CHRM2: variants seen among roughly 807,000 people sequenced by gnomAD.
CHRM2 encodes the protein muscarinic acetylcholine receptor M2.
Under a neutral mutation model 25.0 loss-of-function variants are expected in CHRM2, and 8 were observed. The observed-to-expected ratio is 0.32, with a 90% confidence interval of 0.19 to 0.58. CHRM2 has a LOEUF of 0.58. Among genes scored for constraint, CHRM2 ranks in the 20% least tolerant of loss-of-function variants. CHRM2 has a pLI of 0.88. For synonymous variants in CHRM2, 202 were observed against 205.7 expected, an observed-to-expected ratio of 0.98 and a Z score of 0.15; for missense variants, 440 against 567.1, an observed-to-expected ratio of 0.78 and a Z score of 2.28.
intron 3 of CHRM2, among the ~76,000 whole-genome samples, chr7:136,996,696 A>T (rs1803628208): frequency 1.3e-5 from 2 of 152,202 alleles, no homozygotes; most frequent in African/African-American, 4.8e-5. Flanking sequence ...TATTTAATGA[A>T]ATTATAGTAT....
intron 2 of CHRM2, among the ~76,000 whole-genome samples, chr7:136,946,467 G>A (rs1800081028): frequency 6.6e-6 from 1 of 152,070 alleles, no homozygotes; most frequent in Non-Finnish European, 1.5e-5. Context: ...CTATATTTCA[G>A]AAAAGTGTAA....
intron 2 of CHRM2, among the ~76,000 whole-genome samples, chr7:136,928,812 G>A (rs1798891899): frequency 6.6e-6 from 1 of 152,074 alleles, no homozygotes; most frequent in African/African-American, 2.4e-5. Flanking sequence ...GTGTTAGGTT[G>A]GTGCAAAACT....
Position 136,880,966 on chromosome 7 carries a change from T to C in CHRM2, c.-125+11548T>C, listed in dbSNP as rs536813579. On this transcript the variant is annotated intron_variant, in intron 2 of 3. Coordinates refer to ENST00000680005, the MANE Select transcript of CHRM2 (RefSeq NM_001006630.2). ...TACTTAGTTTCATGAGGTATATTAT[T>C]CTTCATCTTTGTTCATTTAACTTTT... 4.0e-5 allele frequency among the ~76,000 whole-genome samples: 6 copies of C among 151,742 alleles called. No individual in the cohort carries two copies. The East Asian group carries it at 1.2e-3, about 29-fold the overall frequency.
chr7:136,956,799 C>G (rs1430815982), intron 2 of CHRM2, among the ~76,000 whole-genome samples: 1 of 149,288 alleles, frequency 6.7e-6, no homozygotes, highest in East Asian at 1.9e-4. Context: ...AGACAGGGAA[C>G]AGGGAGGGGG....
At chr7:136,958,884 A>C (rs899647839) in intron 2 of CHRM2, among the ~76,000 whole-genome samples, 14 of 152,230 alleles carry the variant, frequency 9.2e-5, no homozygotes, top group African/African-American at 3.1e-4. Context: ...CCACAATACA[A>C]GTGATTACCT....
At chr7:136,995,269 A>C (rs1803517382) in intron 3 of CHRM2, among the ~76,000 whole-genome samples, 2 of 152,160 alleles carry the variant, frequency 1.3e-5, no homozygotes, top group Non-Finnish European at 2.9e-5. Context: ...AAAATAAGGA[A>C]GGTCGACCTT....
At chr7:136,986,248 GTTTA>G (rs1802845030) in intron 2 of CHRM2, among the ~76,000 whole-genome samples, 1 of 152,052 alleles carries the variant, frequency 6.6e-6, no homozygotes, top group Admixed American at 6.6e-5. Context: ...TATTTTGGCA[GTTTA>G]TTTTTTTTAA....
At chr7:137,005,957 TAGAC>T (rs891043455) in intron 3 of CHRM2, among the ~76,000 whole-genome samples, 1 of 152,144 alleles carries the variant, frequency 6.6e-6, no homozygotes, top group African/African-American at 2.4e-5. Flanking sequence ...TGCCTAATCA[TAGAC>T]AGTCTGTAGC....
chr7:136,921,264 T>G (rs572438021), intron 2 of CHRM2, among the ~76,000 whole-genome samples: 2 of 152,236 alleles, frequency 1.3e-5, no homozygotes, highest in South Asian at 4.2e-4. Flanking sequence ...AGTCTTCCCA[T>G]CATCCTGGGT....
At chr7:137,005,393 T>A (rs1804356636) in intron 3 of CHRM2, among the ~76,000 whole-genome samples, 1 of 152,160 alleles carries the variant, frequency 6.6e-6, no homozygotes, top group South Asian at 2.1e-4. Context: ...TTAACTATTA[T>A]AAGATATGCT....
intron 2 of CHRM2, among the ~76,000 whole-genome samples, chr7:136,918,934 T>A (rs1223146300): frequency 6.6e-6 from 1 of 152,116 alleles, no homozygotes; most frequent in Non-Finnish European, 1.5e-5. Flanking sequence ...CTTAACAAAG[T>A]GGAAATCTGA....
chr7:136,902,374 AT>A (rs1797274066), intron 2 of CHRM2: 1 of 152,020 alleles, frequency 6.6e-6, no homozygotes, highest in Non-Finnish European at 1.5e-5. Flanking sequence ...TAGGTGGCAA[AT>A]TCATAATAAG....
chr7:136,872,190 C>T (rs142533557), intron 2 of CHRM2, among the ~76,000 whole-genome samples: 1 of 152,188 alleles, frequency 6.6e-6, no homozygotes, highest in South Asian at 2.1e-4. Flanking sequence ...AATAAAGAGG[C>T]ATGTTTGTTT....
chr7:136,938,292 G>A lies in CHRM2; in HGVS notation c.-124-53895G>A, dbSNP rs147807782. The A allele has an allele frequency of 8.4e-4, 910 of 1,079,602 alleles. 7 individuals are homozygous for A. The African/African-American group carries it at 0.012, about 15-fold the overall frequency. 66.9% of individuals were successfully genotyped at this position (1,079,602 alleles called of 1,614,324 possible). A position where few individuals can be genotyped will look rare whatever the true frequency, so the allele number is the denominator to read the frequency against. On this transcript the variant is annotated intron_variant, in intron 2 of 3. Coordinates refer to ENST00000680005, the MANE Select transcript of CHRM2 (RefSeq NM_001006630.2). Reference sequence around the variant, plus strand: ...AAGAGTGCTTCAGCTGCCGCCTAAGGTTGTTGATGTAGCTCTCGAACATGT... The same window carrying A: ...AAGAGTGCTTCAGCTGCCGCCTAAGATTGTTGATGTAGCTCTCGAACATGT...
intron 2 of CHRM2, among the ~76,000 whole-genome samples, chr7:136,929,708 C>T (rs17497363): frequency 0.24 from 36,278 of 151,930 alleles, 5,697 homozygotes; most frequent in Non-Finnish European, 0.35. Context: ...ATAAAAAGAA[C>T]GTGAACAATT....
intron 2 of CHRM2, among the ~76,000 whole-genome samples, chr7:136,977,636 T>A (rs1320861032): frequency 1.3e-5 from 2 of 152,162 alleles, no homozygotes; most frequent in Admixed American, 6.5e-5. Flanking sequence ...TTATCCAACA[T>A]AAGGATGAGG....
intron 2 of CHRM2, among the ~76,000 whole-genome samples, chr7:136,923,989 G>A (rs1460443155): frequency 6.6e-6 from 1 of 151,488 alleles, no homozygotes; most frequent in Admixed American, 6.6e-5. Context: ...CTCTAGCCTG[G>A]GTGACAGAGT....
In CHRM2 at chr7:137,018,126, G is replaced by T. The variant is rs1162653775; in HGVS notation, c.*1860G>T. The T allele has an allele frequency of 2.0e-5, 3 of 150,976 alleles. No individual in the cohort carries two copies. Among genetic ancestry groups the T allele is most frequent in the Non-Finnish European group, 4.4e-5 (3 of 67,756 alleles). The allele number at this position is 150,976 out of a possible 1,614,324, so 9.4% of individuals were successfully genotyped here. On this transcript the variant is annotated 3_prime_UTR_variant, in exon 4 of 4. Coordinates refer to ENST00000680005, the MANE Select transcript of CHRM2 (RefSeq NM_001006630.2). The stretch of plus-strand genomic sequence containing the variant: ...CAATATTAGACCCCAGCACTTAAAA[G>T]AATTATTTTGTATGATTAGCCTCAT...
chr7:136,880,046 C>CTTT (rs11373690), intron 2 of CHRM2, among the ~76,000 whole-genome samples: 1 of 144,814 alleles, frequency 6.9e-6, no homozygotes, highest in African/African-American at 2.5e-5. Context: ...CCTCTTGGAT[C>CTTT]TTTTTTTTTT....
Sources: allele counts gnomAD v4.1 joint callset (sites outside exome capture counted in the v4.1 genomes callset), GRCh38; gene constraint gnomAD v4.1.1; transcripts MANE v1.5; gene names NCBI Gene and HGNC (gene_info 2026-07-23, HGNC 2026-07-21).